The following HS3ST1 variants were observed in gnomAD, a reference collection of about 807,000 sequenced individuals.
HS3ST1 encodes heparan sulfate glucosamine 3-O-sulfotransferase 1.
A neutral mutation model predicts 20.7 loss-of-function variants in HS3ST1; 8 were observed. The observed-to-expected ratio is 0.39, with a 90% CI of 0.23 to 0.70. The LOEUF is 0.70. Among genes scored for constraint, HS3ST1 ranks in the 30% least tolerant of loss-of-function variants. The probability of loss-of-function intolerance (pLI) is 0.46; values close to 1 mark genes in which losing one functional copy is unlikely to be tolerated. For synonymous variants in HS3ST1, 205 were observed against 190.4 expected (o/e 1.08, Z -0.63); for missense variants, 436 against 423.4 (o/e 1.03, Z -0.26).
chr4:11,434,107 AC>A (rs1711530923), upstream of HS3ST1, among the ~76,000 whole-genome samples: 1 of 152,182 alleles, frequency 6.6e-6, no homozygotes, highest in Non-Finnish European at 1.5e-5. Context: ...TTAAAATAGC[AC>A]TAATGCCACA....
chr4:11,399,997 C>T lies in HS3ST1; in HGVS notation c.9G>A (p.Ala3=). ...CCAGCAGCACCGCGCCCAGGAGCAG[C>T]GCGGCCATGCTGGACACCACGGTGG... MA[A]LLLGAVLLVA... Residue 3 remains alanine, a synonymous_variant, in exon 2 of 2, where the codon GCG becomes GCA. Transcript: ENST00000002596. This position sits in a 1 kb window ranked among gnomAD's most constrained non-coding sequence, Gnocchi z 5.1. 3.9e-6 allele frequency: 6 copies of T among 1,519,350 alleles called. 1 individual carries two copies. The South Asian group carries it at 4.9e-5, about 13-fold the overall frequency. The allele number at this position is 1,519,350 out of a possible 1,614,324, so 94.1% of individuals were successfully genotyped here. A position where few individuals can be genotyped will look rare whatever the true frequency, so the allele number is the denominator to read the frequency against.
chr4:11,404,824 G>A (rs1718420075), intron 1 of HS3ST1, among the ~76,000 whole-genome samples: 1 of 152,212 alleles, frequency 6.6e-6, no homozygotes, highest in African/African-American at 2.4e-5. Context: ...TGCAGCAATT[G>A]CTACTGAGCA....
chr4:11,413,834 TAAG>T (rs778623670), intron 1 of HS3ST1, among the ~76,000 whole-genome samples: 21 of 152,042 alleles, frequency 1.4e-4, no homozygotes, highest in East Asian at 7.8e-4. Flanking sequence ...CTTTATGAGA[TAAG>T]AAGAAGGATA....
At chr4:11,402,356 G>A (rs1577437029) in intron 1 of HS3ST1, among the ~76,000 whole-genome samples, 1 of 152,200 alleles carries the variant, frequency 6.6e-6, no homozygotes, top group Non-Finnish European at 1.5e-5. Flanking sequence ...AGAACGATGA[G>A]GTTTCAGGTT....
chr4:11,425,605 T>C (rs1719040752), intron 1 of HS3ST1, among the ~76,000 whole-genome samples: 2 of 152,214 alleles, frequency 1.3e-5, no homozygotes, highest in Non-Finnish European at 2.9e-5. Context: ...TTAGCATATG[T>C]CATTTACTCA....
Position 11,399,742 on chromosome 4 carries a change from G to A in HS3ST1, c.264C>T (p.His88=), listed in dbSNP as rs149515157. The A allele has an allele frequency of 2.6e-4, 426 of 1,613,782 alleles. 1 individual carries two copies. Among genetic ancestry groups the A allele is most frequent in the Non-Finnish European group, 3.4e-4 (396 of 1,180,042 alleles). The part of the protein sequence containing the change: ...PDVAAAENEV[H]FFDWEEHYSH... ...TGTAATGCTCCTCCCAGTCGAAGAA[G>A]TGGACCTCGTTCTCCGCGGCCGCCA... Residue 88 remains histidine, a synonymous_variant, in exon 2 of 2, where the codon CAC becomes CAT. Transcript: ENST00000002596. The surrounding 1 kb of genome is among the most constrained non-coding windows in gnomAD (Gnocchi z 5.1).
At chr4:11,401,925 G>A (rs748166027) in intron 1 of HS3ST1, among the ~76,000 whole-genome samples, 1 of 152,168 alleles carries the variant, frequency 6.6e-6, no homozygotes, top group Admixed American at 6.5e-5. Flanking sequence ...TGTGTTTCAC[G>A]CTATCCCCTA....
rs374868837 is a variant in HS3ST1 at position 11,421,332 on chromosome 4, TCTATAACCAACACC to T, written c.-109+7353_-109+7366del. Among the ~76,000 whole-genome samples, 978 of 152,268 alleles carry T rather than the reference TCTATAACCAACACC, an allele frequency of 6.4e-3. 16 individuals are homozygous for T. Among genetic ancestry groups the T allele is most frequent in the East Asian group, 0.023 (121 of 5,176 alleles). On this transcript the variant is annotated intron_variant, in intron 1 of 1. Transcript: ENST00000002596. Reference sequence around the variant, plus strand: ...TAGCTCCAAAATCTAATCTCAGAAATCTATAACCAACACCCTCCCCCTCCTTCCTACCCAGGACA... The same window carrying T: ...TAGCTCCAAAATCTAATCTCAGAAATCTCCCCCTCCTTCCTACCCAGGACA...
At chr4:11,408,398 C>T (rs905480752) in intron 1 of HS3ST1, among the ~76,000 whole-genome samples, 1 of 152,060 alleles carries the variant, frequency 6.6e-6, no homozygotes, top group African/African-American at 2.4e-5. Flanking sequence ...ATTAGTCAAA[C>T]ACATTTGTTC....
At chr4:11,409,674 G>A (rs34551111) in intron 1 of HS3ST1, among the ~76,000 whole-genome samples, 1 of 152,220 alleles carries the variant, frequency 6.6e-6, no homozygotes, top group Non-Finnish European at 1.5e-5. Flanking sequence ...CCATTGCAAG[G>A]TATTTGATGA....
intron 1 of HS3ST1, among the ~76,000 whole-genome samples, chr4:11,407,350 C>T (rs925729429): frequency 5.3e-5 from 8 of 152,156 alleles, no homozygotes; most frequent in African/African-American, 1.9e-4. Flanking sequence ...AATATCTCCT[C>T]CTCTAGCCTT....
intron 1 of HS3ST1, among the ~76,000 whole-genome samples, chr4:11,427,284 G>A (rs1358805584): frequency 2.0e-5 from 3 of 152,214 alleles, no homozygotes; most frequent in Non-Finnish European, 4.4e-5. Flanking sequence ...GCGGGAGCGT[G>A]GGGACTCGTC....
At chr4:11,404,087 C>G (rs893568833) in intron 1 of HS3ST1, among the ~76,000 whole-genome samples, 29 of 152,140 alleles carry the variant, frequency 1.9e-4, no homozygotes, top group African/African-American at 6.0e-4. Flanking sequence ...CTCTGTCGCC[C>G]AGGCTGGAGT....
At chr4:11,433,341 C>A (rs1719240312), upstream of HS3ST1, among the ~76,000 whole-genome samples, 1 of 152,104 alleles carries the variant, frequency 6.6e-6, no homozygotes, top group Non-Finnish European at 1.5e-5. Context: ...ACAGTAAATA[C>A]AATTTCATAA....
chr4:11,397,343 G>T lies in HS3ST1; in HGVS notation c.*1739C>A, dbSNP rs957796005. 2.0e-5 allele frequency: 3 copies of T among 152,558 alleles called. No individual in the cohort carries two copies. Among genetic ancestry groups the T allele is most frequent in the Non-Finnish European group, 4.4e-5 (3 of 68,348 alleles). The allele number at this position is 152,558 out of a possible 1,614,324, so 9.5% of individuals were successfully genotyped here. A position where few individuals can be genotyped will look rare whatever the true frequency, so the allele number is the denominator to read the frequency against. On this transcript the variant is annotated 3_prime_UTR_variant, in exon 2 of 2. Coordinates refer to ENST00000002596, the MANE Select transcript of HS3ST1 (RefSeq NM_005114.4). ...ATAGGCCATGCTAAGGTCAGGTCAG[G>T]CTGGAGCTGCTGAAACGTACCAAGG...
At chr4:11,409,377 G>A (rs932231535) in intron 1 of HS3ST1, among the ~76,000 whole-genome samples, 7 of 152,160 alleles carry the variant, frequency 4.6e-5, no homozygotes, top group African/African-American at 1.7e-4. Context: ...CTAACCCTCA[G>A]TGTGATGGTA....
At chr4:11,414,239 A>T (rs1033840650) in intron 1 of HS3ST1, 1 of 152,230 alleles carries the variant, frequency 6.6e-6, no homozygotes, top group Non-Finnish European at 1.5e-5. Flanking sequence ...TTCACTCATC[A>T]AGTCCTGGTT....
chr4:11,412,776 T>C (rs955928638), intron 1 of HS3ST1, among the ~76,000 whole-genome samples: 5 of 152,132 alleles, frequency 3.3e-5, no homozygotes, highest in Non-Finnish European at 5.9e-5. Context: ...TGCTTAACCA[T>C]TACTAGAATG....
Position 11,421,931 on chromosome 4 carries a change from A to T in HS3ST1, c.-109+6768T>A, listed in dbSNP as rs530133549. On this transcript the variant is annotated intron_variant, in intron 1 of 1. Transcript: ENST00000002596. ...CAGTTTCCTTAAATAGCAAATGAAG[A>T]TGGTGAGAGCTCCCCTGCAGTCCTC... Among the ~76,000 whole-genome samples the T allele has an allele frequency of 3.5e-3, 535 of 152,336 alleles. 6 individuals are homozygous for T. The highest frequency in any genetic ancestry group is 0.012 in the African/African-American group (509 of 41,580).
Sources: gnomAD v4.1 joint callset for allele counts (sites outside exome capture counted in the v4.1 genomes callset) on GRCh38, gnomAD v4.1.1 for gene constraint, Gnocchi (gnomAD v3.1) non-coding constraint, MANE v1.5 for transcripts, NCBI Gene and HGNC (gene_info 2026-07-23, HGNC 2026-07-21) for gene names.